The following COLGALT2 variants were observed in gnomAD, a reference collection of about 807,000 sequenced individuals.
COLGALT2 encodes the protein collagen beta(1-O)galactosyltransferase 2, also known as procollagen galactosyltransferase 2.
In COLGALT2, 49 loss-of-function variants were observed where a neutral mutation model predicts 73.4. That is an observed-to-expected ratio of 0.67 (90% CI 0.53 to 0.85). COLGALT2 has a LOEUF of 0.85. Ranked by LOEUF, COLGALT2 falls within the 40% of genes least tolerant of loss-of-function variation. The pLI, the probability that COLGALT2 is intolerant of heterozygous loss-of-function variation, is 0.00. For missense variants in COLGALT2, 722 were observed against 790.2 expected, an observed-to-expected ratio of 0.91 and a Z score of 1.03; for synonymous variants, 295 against 307.6, an observed-to-expected ratio of 0.96 and a Z score of 0.43.
chr1:183,930,102 A>C (rs1365994989), exon 12 of COLGALT2: 1 of 411,026 alleles, frequency 2.4e-6, no homozygotes, highest in African/African-American at 2.1e-5. Flanking sequence ...CAGCCCATCA[A>C]CCAGTCCCCG....
At chr1:183,934,863 A>G (rs954112026), downstream of COLGALT2, among the ~76,000 whole-genome samples, 1 of 152,228 alleles carries the variant, frequency 6.6e-6, no homozygotes, top group African/African-American at 2.4e-5. Flanking sequence ...ATTATCTGTC[A>G]AGATGGTAAC....
chr1:183,975,075 GA>G (rs1558321517), intron 3 of COLGALT2, 21 bp downstream of exon 3: 1 of 1,522,626 alleles, frequency 6.6e-7, no homozygotes, highest in Non-Finnish European at 9.1e-7. Context: ...CAGTTGTCAA[GA>G]AATCAAACAT....
chr1:183,995,301 A>T (rs1173681816), intron 1 of COLGALT2, among the ~76,000 whole-genome samples: 1 of 152,262 alleles, frequency 6.6e-6, no homozygotes, highest in Non-Finnish European at 1.5e-5. Flanking sequence ...TAAAAAATCT[A>T]ACCACTGGCA....
chr1:183,934,694 G>A (rs190809193), downstream of COLGALT2, among the ~76,000 whole-genome samples: 4 of 152,278 alleles, frequency 2.6e-5, no homozygotes, highest in East Asian at 5.8e-4. Flanking sequence ...TCAAAAGCAC[G>A]TTATAGAAAG....
At chr1:184,032,703 C>G (rs1649553709) in intron 1 of COLGALT2, among the ~76,000 whole-genome samples, 1 of 152,200 alleles carries the variant, frequency 6.6e-6, no homozygotes, top group Non-Finnish European at 1.5e-5. Flanking sequence ...GTAGGGATAA[C>G]ATACAACATT....
chr1:183,965,755 CA>C (rs1246594296), intron 5 of COLGALT2, among the ~76,000 whole-genome samples: 4 of 151,174 alleles, frequency 2.6e-5, no homozygotes, highest in Non-Finnish European at 4.4e-5. Flanking sequence ...TAAAACTAAG[CA>C]AAAAAGGCAA....
At chr1:183,987,216 T>C (rs192963066) in intron 1 of COLGALT2, among the ~76,000 whole-genome samples, 62 of 152,342 alleles carry the variant, frequency 4.1e-4, no homozygotes, top group African/African-American at 1.4e-3. Flanking sequence ...CTATCTACCC[T>C]CTTCCTGTTT....
At chr1:183,945,645 T>C (rs1436212503) in intron 8 of COLGALT2, 81 bp from the exon 9 acceptor site, 1 of 1,499,188 alleles carries the variant, frequency 6.7e-7, no homozygotes, top group Non-Finnish European at 9.1e-7. Context: ...GAGTTAGTTC[T>C]GCAAACACCC....
intron 1 of COLGALT2, among the ~76,000 whole-genome samples, chr1:183,986,865 T>C (rs1017633968): frequency 2.6e-5 from 4 of 152,230 alleles, no homozygotes; most frequent in African/African-American, 9.6e-5. Flanking sequence ...GGCCTTTTTA[T>C]TTAGGCCTTC....
At position 183,937,625 on chromosome 1, in the gene COLGALT2, C is replaced by T; in HGVS notation, c.*1136G>A. On this transcript the variant is annotated 3_prime_UTR_variant, in exon 12 of 12. Coordinates refer to ENST00000361927, the MANE Select transcript of COLGALT2 (RefSeq NM_015101.4). ...CCATCCACAGGCCTCCCCACAAGAG[C>T]CTGGCTGGGAAATTCAGGAGAATCA... 2.0e-6 allele frequency: 2 copies of T among 985,428 alleles called. No individual in the cohort carries two copies. The highest frequency in any genetic ancestry group is 2.4e-6 in the Non-Finnish European group (2 of 829,954). 61.0% of individuals were successfully genotyped at this position (985,428 alleles called of 1,614,324 possible).
At chr1:183,988,590 T>C (rs181735429) in intron 1 of COLGALT2, among the ~76,000 whole-genome samples, 1 of 152,362 alleles carries the variant, frequency 6.6e-6, no homozygotes, top group East Asian at 1.9e-4. Context: ...AATCATATGA[T>C]TGTGGCCTTT....
Position 183,945,449 on chromosome 1 carries a change from A to G in COLGALT2, c.1252T>C (p.Tyr418His), listed in dbSNP as rs774505461. The G allele has an allele frequency of 2.4e-5, 38 of 1,614,084 alleles. No individual in the cohort carries two copies. Among genetic ancestry groups the G allele is most frequent in the Non-Finnish European group, 3.1e-5 (37 of 1,180,044 alleles). ...TTATTTACCTCTTTCCAGACTGAGT[A>G]GTGGCTGAGAAAGCAGCCGATTTCA... ...RGEIGCFLSH[Y>H]SVWKEVIDRE... is the part of the protein sequence containing the mutation. Residue 418 changes from tyrosine (Y) to histidine (H), a missense_variant, in exon 9 of 12, where the codon TAC becomes CAC. By Grantham distance (83) the Tyr-to-His change is moderately conservative (BLOSUM62 2). Transcript: ENST00000361927.
chr1:183,949,422 C>A (rs1303923484), intron 8 of COLGALT2, among the ~76,000 whole-genome samples: 4 of 152,146 alleles, frequency 2.6e-5, no homozygotes, highest in African/African-American at 9.7e-5. Flanking sequence ...GAAATAAATC[C>A]TTACATTTAT....
chr1:183,955,953 G>A (rs1926870), intron 6 of COLGALT2, among the ~76,000 whole-genome samples: 69,021 of 151,920 alleles, frequency 0.45, 16,812 homozygotes, highest in African/African-American at 0.65. Flanking sequence ...ACTCTCCAAG[G>A]GCTCCCCCGA....
intron 1 of COLGALT2, among the ~76,000 whole-genome samples, chr1:184,006,402 C>T (rs779114641): frequency 1.1e-4 from 17 of 151,880 alleles, no homozygotes; most frequent in Non-Finnish European, 2.2e-4. Flanking sequence ...CTGATCAACA[C>T]GGAGAAGCCT....
chr1:183,934,801 G>A (rs575283904), downstream of COLGALT2, among the ~76,000 whole-genome samples: 3 of 152,200 alleles, frequency 2.0e-5, no homozygotes, highest in Non-Finnish European at 4.4e-5. Flanking sequence ...ATTTGTAGCT[G>A]AGTGGGAATA....
chr1:183,964,322 G>T (rs994977746), intron 5 of COLGALT2: 11 of 382,946 alleles, frequency 2.9e-5, no homozygotes, highest in African/African-American at 2.3e-4. Context: ...AGGATCAAAA[G>T]GGAGGCAAGG....
intron 9 of COLGALT2, 70 bp downstream of exon 9, chr1:183,945,362 A>T: frequency 1.6e-5 from 25 of 1,555,086 alleles, no homozygotes; most frequent in Non-Finnish European, 2.2e-5. Flanking sequence ...TCTGGCCCTA[A>T]CTCACCTACG....
intron 1 of COLGALT2, among the ~76,000 whole-genome samples, chr1:183,997,827 T>C (rs1405600742): frequency 6.6e-6 from 1 of 152,254 alleles, no homozygotes; most frequent in Non-Finnish European, 1.5e-5. Flanking sequence ...CACATGTTGA[T>C]ACTTTTATCT....
Sources: allele counts gnomAD v4.1 joint callset (sites outside exome capture counted in the v4.1 genomes callset), GRCh38; gene constraint gnomAD v4.1.1; transcripts MANE v1.5; gene names NCBI Gene and HGNC (gene_info 2026-07-23, HGNC 2026-07-21).